TP53BP1: variants seen among roughly 807,000 people sequenced by gnomAD.
TP53BP1 encodes TP53-binding protein 1.
A neutral mutation model predicts 200.8 loss-of-function variants in TP53BP1; 61 were observed. The observed-to-expected ratio is 0.30, with a 90% CI of 0.25 to 0.38. The LOEUF is 0.38. Ranked by LOEUF, TP53BP1 falls within the 10% of genes least tolerant of loss-of-function variation. The pLI is 1.00. For missense variants in TP53BP1, 2,144 were observed against 2,371.9 expected (o/e 0.90, Z 2.00); for synonymous variants, 822 against 844.3 (o/e 0.97, Z 0.46).
chr15:43,449,224 C>A (rs2046111572), intron 12 of TP53BP1, among the ~76,000 whole-genome samples: 1 of 152,180 alleles, frequency 6.6e-6, no homozygotes, highest in Admixed American at 6.5e-5. Flanking sequence ...ACCATAGTTA[C>A]AGAAAAGAGA....
intron 15 of TP53BP1, among the ~76,000 whole-genome samples, chr15:43,439,284 T>C (rs1470367669): frequency 6.6e-6 from 1 of 152,180 alleles, no homozygotes; most frequent in Admixed American, 6.5e-5. Context: ...ATACCTGTAA[T>C]CCTACCACTT....
At chr15:43,457,743 G>C (rs1355723796) in intron 11 of TP53BP1, among the ~76,000 whole-genome samples, 1 of 150,120 alleles carries the variant, frequency 6.7e-6, no homozygotes, top group Non-Finnish European at 1.5e-5. Context: ...CAGTGGCCAG[G>C]TGTGGTAGCT....
In TP53BP1 at chr15:43,447,488, G is replaced by GAAAAAAAAAAAAAAAAAAAAAA; in HGVS notation, c.2717-4_2717-3insTTTTTTTTTTTTTTTTTTTTTT. 2 of 954,474 alleles carry GAAAAAAAAAAAAAAAAAAAAAA rather than the reference G, an allele frequency of 2.1e-6. No individual in the cohort carries two copies. 59.1% of individuals were successfully genotyped at this position (954,474 alleles called of 1,614,324 possible). On this transcript the variant is annotated splice_region_variant and splice_polypyrimidine_tract_variant and intron_variant, in intron 12 of 27. Transcript: ENST00000382044. ...CAAAGTGAAATGAAATGGGGTTTCT[G>GAAAAAAAAAAAAAAAAAAAAAA]AAAAAAAAAAAAAAAAGAAAAAAGA... is the stretch of plus-strand genomic sequence containing the variant.
chr15:43,503,531 C>T (rs1225267218), intron 1 of TP53BP1, among the ~76,000 whole-genome samples: 3 of 152,098 alleles, frequency 2.0e-5, no homozygotes, highest in African/African-American at 2.4e-5. Context: ...TGGTGGCCAG[C>T]GCCTGTAATT....
chr15:43,436,848 T>A (rs1003414918), intron 16 of TP53BP1, among the ~76,000 whole-genome samples: 68 of 152,218 alleles, frequency 4.5e-4, no homozygotes, highest in African/African-American at 1.6e-3. Context: ...CTCACGACTG[T>A]TCTAAGAGAT....
chr15:43,470,213 G>T, intron 10 of TP53BP1, 147 bp from the exon 11 acceptor site: 7 of 689,426 alleles, frequency 1.0e-5, no homozygotes, highest in Non-Finnish European at 1.7e-5. Context: ...CAGAATAATA[G>T]TAGACTGGGT....
intron 4 of TP53BP1, among the ~76,000 whole-genome samples, chr15:43,487,203 C>A (rs2079058088): frequency 6.6e-6 from 1 of 151,842 alleles, no homozygotes; most frequent in East Asian, 1.9e-4. Context: ...AGCAAGTAAG[C>A]ACATGAAAAA....
At chr15:43,420,773 C>T in intron 20 of TP53BP1, 38 bp from the exon 21 acceptor site, 13 of 1,564,856 alleles carry the variant, frequency 8.3e-6, no homozygotes, top group Non-Finnish European at 1.1e-5. Context: ...CCGGTGAGAA[C>T]AAGAACACAG....
chr15:43,464,559 G>A (rs145937084), intron 11 of TP53BP1, among the ~76,000 whole-genome samples: 31 of 152,158 alleles, frequency 2.0e-4, no homozygotes, highest in African/African-American at 7.0e-4. Flanking sequence ...ATCAACTGAC[G>A]AATCCATGAG....
In TP53BP1 at chr15:43,409,065, G is replaced by A. The variant is rs1157211964; in HGVS notation, c.5432C>T (p.Ala1811Val). Residue 1811 changes from alanine to valine, a missense_variant, in exon 26 of 28, where the codon GCG (alanine) becomes GTG (valine). Physicochemically the swap from Ala to Val is moderately conservative, Grantham distance 64. This residue lies in a region of TP53BP1 where 334 missense variants were observed against 453.4 expected (regional missense o/e 0.74). Coordinates refer to ENST00000382044, the MANE Select transcript of TP53BP1 (RefSeq NM_001141980.3). The stretch of plus-strand genomic sequence containing the variant: ...CTTCCGGGTTCGACAATGCTGATCC[G>A]CAATTAGAAGACACTGGTAAGCTGT... ...CNTAYQCLLI[A>V]DQHCRTRKYF... 2 of 1,614,168 alleles carry A rather than the reference G, an allele frequency of 1.2e-6. No individual in the cohort carries two copies. The highest frequency in any genetic ancestry group is 1.3e-5 in the African/African-American group (1 of 75,042).
chr15:43,507,713 T>C (rs1446274845), intron 1 of TP53BP1, among the ~76,000 whole-genome samples: 2 of 152,086 alleles, frequency 1.3e-5, no homozygotes, highest in Non-Finnish European at 2.9e-5. Flanking sequence ...CTCCACAGTT[T>C]TCTTTTTTCT....
At chr15:43,428,947 A>G (rs1166278467) in intron 17 of TP53BP1, among the ~76,000 whole-genome samples, 4 of 152,224 alleles carry the variant, frequency 2.6e-5, no homozygotes, top group Non-Finnish European at 5.9e-5. Context: ...CAGGTACTAT[A>G]CTAGACAAAT....
At chr15:43,444,519 C>T (rs2045998449) in intron 14 of TP53BP1, among the ~76,000 whole-genome samples, 1 of 152,182 alleles carries the variant, frequency 6.6e-6, no homozygotes, top group African/African-American at 2.4e-5. Context: ...ACCACAGCAT[C>T]AAAGATTTGG....
chr15:43,468,546 CAAA>C (rs796416291), intron 11 of TP53BP1, among the ~76,000 whole-genome samples: 16 of 80,910 alleles, frequency 2.0e-4, no homozygotes, highest in Non-Finnish European at 1.5e-4. Context: ...GATCCTGTCT[CAAA>C]AAAAAAAAAA....
At chr15:43,415,395 C>T (rs753818547) in intron 23 of TP53BP1, 199 bp downstream of exon 23, 2 of 693,536 alleles carry the variant, frequency 2.9e-6, no homozygotes, top group South Asian at 1.5e-5. Flanking sequence ...TGCTATCTAC[C>T]CGCACTAGAG....
In TP53BP1 at chr15:43,407,315, C is replaced by T; in HGVS notation, c.*68G>A. 1 of 1,394,290 alleles carries T rather than the reference C, an allele frequency of 7.2e-7. No homozygotes were observed. Among genetic ancestry groups the T allele is most frequent in the Non-Finnish European group, 1.0e-6 (1 of 994,522 alleles). The allele number at this position is 1,394,290 out of a possible 1,614,324, so 86.4% of individuals were successfully genotyped here. On this transcript the variant is annotated 3_prime_UTR_variant, in exon 28 of 28. Transcript: ENST00000382044. ...AAGGAATCCAGTTACACACAAGACA[C>T]ATTTAAAACCTGGTTAAAACACAAT...
chr15:43,451,805 T>C (rs1418115663), intron 12 of TP53BP1, among the ~76,000 whole-genome samples: 2 of 152,218 alleles, frequency 1.3e-5, no homozygotes, highest in East Asian at 1.9e-4. Context: ...CCACCAACAG[T>C]GTAAAAGTGA....
intron 18 of TP53BP1, 55 bp downstream of exon 18, chr15:43,427,957 CAAAA>C (rs35437737): frequency 1.9e-3 from 1,876 of 996,522 alleles, no homozygotes; most frequent in South Asian, 4.0e-3. Flanking sequence ...ACCCTGTCTC[CAAAA>C]AAAAAAAAAA....
At chr15:43,438,197 T>C in intron 16 of TP53BP1, 127 bp downstream of exon 16, 1 of 705,042 alleles carries the variant, frequency 1.4e-6, no homozygotes, top group Non-Finnish European at 2.4e-6. Context: ...CTCAACACTG[T>C]TGCACTGGGG....
Sources: gnomAD v4.1 joint callset for allele counts (sites outside exome capture counted in the v4.1 genomes callset) on GRCh38, gnomAD v4.1.1 for gene constraint, gnomAD v4.1.1 regional missense constraint, MANE v1.5 for transcripts, NCBI Gene and HGNC (gene_info 2026-07-23, HGNC 2026-07-21) for gene names.